The following NSD1 variants were observed in gnomAD, a reference collection of about 807,000 sequenced individuals.
NSD1 encodes the protein nuclear receptor binding SET domain protein 1.
Under a neutral mutation model 242.7 loss-of-function variants are expected in NSD1, and 26 were observed. The observed-to-expected ratio is 0.11, with a 90% CI of 0.08 to 0.15. The LOEUF (loss-of-function observed/expected upper bound fraction) is 0.15, where lower values mean the gene tolerates loss of function less well. Ranked by LOEUF, NSD1 falls within the 10% of genes least tolerant of loss-of-function variation. The pLI, the probability that NSD1 is intolerant of heterozygous loss-of-function variation, is 1.00. For missense variants in NSD1, 2,495 were observed against 3,272.8 expected, an observed-to-expected ratio of 0.76 and a Z score of 5.80; for synonymous variants, 1,106 against 1,178.1, an observed-to-expected ratio of 0.94 and a Z score of 1.25.
At chr5:177,218,641 C>T (rs543393520) in intron 5 of NSD1, among the ~76,000 whole-genome samples, 2 of 151,286 alleles carry the variant, frequency 1.3e-5, no homozygotes, top group South Asian at 2.1e-4. Flanking sequence ...AATCTCGGGT[C>T]ACTGCAAGCT....
intron 4 of NSD1, among the ~76,000 whole-genome samples, chr5:177,206,569 C>A (rs1325889280): frequency 6.6e-6 from 1 of 151,996 alleles, no homozygotes; most frequent in Non-Finnish European, 1.5e-5. Context: ...TAACTTACAC[C>A]CTATAGAACT....
intron 2 of NSD1, among the ~76,000 whole-genome samples, chr5:177,164,212 A>G (rs1387094572): frequency 1.3e-5 from 2 of 149,678 alleles, no homozygotes; most frequent in African/African-American, 2.5e-5. Flanking sequence ...CTGGAGTGCA[A>G]TGGCATGGTT....
intron 14 of NSD1, among the ~76,000 whole-genome samples, chr5:177,267,089 C>T (rs542907156): frequency 8.5e-5 from 13 of 152,172 alleles, no homozygotes; most frequent in Non-Finnish European, 1.8e-4. Context: ...AACTCCTGAC[C>T]TCAGGTGATC....
Position 177,296,287 on chromosome 5 carries a change from G to T in NSD1, c.*828G>T, listed in dbSNP as rs1760252236. The T allele has an allele frequency of 8.6e-6, 2 of 233,436 alleles. No individual in the cohort carries two copies. The highest frequency in any genetic ancestry group is 1.7e-5 in the Non-Finnish European group (2 of 118,224). 14.5% of individuals were successfully genotyped at this position (233,436 alleles called of 1,614,324 possible). ...GGAGCAGGTGGTCAGGGGCAGTCGG[G>T]CTCTGTGCGAATGTAGATTTCCAGC... On this transcript the variant is annotated 3_prime_UTR_variant, in exon 23 of 23. Coordinates refer to ENST00000439151, the MANE Select transcript of NSD1 (RefSeq NM_022455.5).
chr5:177,226,599 C>T (rs1480880688), intron 5 of NSD1, among the ~76,000 whole-genome samples: 2 of 152,092 alleles, frequency 1.3e-5, no homozygotes, highest in Non-Finnish European at 2.9e-5. Flanking sequence ...GGACCACAGC[C>T]GTGTACTACC....
In NSD1 at chr5:177,295,410, T is replaced by G; in HGVS notation, c.8042T>G (p.Leu2681Arg). The change falls in exon 23 of 23, where the codon CTT becomes CGT. Residue 2681 changes from leucine (L) to arginine (R), a missense_variant. Transcript: ENST00000439151. This position sits in a 1 kb window ranked among gnomAD's most constrained non-coding sequence, Gnocchi z 4.3. ...PKPEQNTLPALNQAPSSHKCA... is the reference protein window; with the variant it reads ...PKPEQNTLPARNQAPSSHKCA... Reference sequence around the variant, plus strand: ...CCAGAGCAAAATACACTTCCAGCTCTTAACCAGGCTCCTTCCAGTCACAAG... The same window carrying G: ...CCAGAGCAAAATACACTTCCAGCTCGTAACCAGGCTCCTTCCAGTCACAAG... 6.2e-7 allele frequency: 1 copy of G among 1,614,200 alleles called. No homozygotes were observed. Among genetic ancestry groups the G allele is most frequent in the Non-Finnish European group, 8.5e-7 (1 of 1,180,034 alleles).
At chr5:177,291,839 C>T in intron 21 of NSD1, 115 bp from the exon 22 acceptor site, 1 of 1,030,522 alleles carries the variant, frequency 9.7e-7, no homozygotes, top group Non-Finnish European at 1.5e-6. Context: ...ATTTTATCTT[C>T]ATGACAATCT....
At chr5:177,173,542 C>T (rs962538715) in intron 2 of NSD1, among the ~76,000 whole-genome samples, 5 of 134,454 alleles carry the variant, frequency 3.7e-5, no homozygotes, top group Non-Finnish European at 7.6e-5. Context: ...GGCACGATCT[C>T]GGCTCACCGC....
At chr5:177,261,742 C>T (rs1037183395) in intron 14 of NSD1, among the ~76,000 whole-genome samples, 7 of 152,112 alleles carry the variant, frequency 4.6e-5, no homozygotes, top group African/African-American at 1.7e-4. Flanking sequence ...GTGGACTTTG[C>T]TCCACTATTT....
intron 14 of NSD1, among the ~76,000 whole-genome samples, chr5:177,267,045 A>G (rs1757546645): frequency 6.6e-6 from 1 of 152,148 alleles, no homozygotes; most frequent in Non-Finnish European, 1.5e-5. Flanking sequence ...TTTAGTAGAT[A>G]GGGGGTTTCG....
At chr5:177,266,489 A>C (rs1757477586) in intron 14 of NSD1, 3 of 623,100 alleles carry the variant, frequency 4.8e-6, no homozygotes, top group Non-Finnish European at 8.9e-6. Flanking sequence ...TCAAAGTAGT[A>C]ATCTTTGGAC....
chr5:177,163,445 A>C (rs1758922256), intron 2 of NSD1, among the ~76,000 whole-genome samples: 1 of 152,152 alleles, frequency 6.6e-6, no homozygotes, highest in South Asian at 2.1e-4. Flanking sequence ...CCAGCCATGA[A>C]ATTTCTTACG....
intron 14 of NSD1, chr5:177,266,656 A>G: frequency 1.0e-5 from 4 of 383,980 alleles, no homozygotes. Flanking sequence ...GGATTTTAAG[A>G]GGTGAAAGAA....
Position 177,156,957 on chromosome 5 carries a change from C to T in NSD1, c.927+20927C>T, listed in dbSNP as rs187090023. Reference sequence around the variant, plus strand: ...CGGCATTCCAGCCTGGAGGACAGAGCGAGACTCTGTCTCTAAATAAATAAA... The same window carrying T: ...CGGCATTCCAGCCTGGAGGACAGAGTGAGACTCTGTCTCTAAATAAATAAA... On this transcript the variant is annotated intron_variant, in intron 2 of 22. Coordinates refer to ENST00000439151, the MANE Select transcript of NSD1 (RefSeq NM_022455.5). Among the ~76,000 whole-genome samples the T allele has an allele frequency of 4.8e-3, 725 of 151,832 alleles. 3 individuals are homozygous for T. Among genetic ancestry groups the T allele is most frequent in the South Asian group, 0.02 (97 of 4,808 alleles).
chr5:177,259,065 C>T (rs1443243830), intron 13 of NSD1, among the ~76,000 whole-genome samples: 4 of 152,132 alleles, frequency 2.6e-5, no homozygotes, highest in African/African-American at 9.7e-5. Context: ...GAACCCCTGA[C>T]CTCAGGTGAT....
chr5:177,188,732 T>TGAACGCCCAGCCTC (rs1400946282), intron 2 of NSD1, among the ~76,000 whole-genome samples: 1 of 152,104 alleles, frequency 6.6e-6, no homozygotes, highest in Non-Finnish European at 1.5e-5. Context: ...AGGCTGGCCT[T>TGAACGCCCAGCCTC]GAACGCCCAG....
chr5:177,289,314 CCTT>C (rs1236115401), intron 21 of NSD1, among the ~76,000 whole-genome samples: 2 of 151,816 alleles, frequency 1.3e-5, no homozygotes, highest in Admixed American at 6.6e-5. Context: ...CAGCAAGACT[CCTT>C]CTCAAAAAAA....
upstream of NSD1, among the ~76,000 whole-genome samples, chr5:177,132,353 G>GCCCGT (rs1755938044): frequency 6.6e-6 from 1 of 151,228 alleles, no homozygotes; most frequent in Non-Finnish European, 1.5e-5. The surrounding 1 kb of genome is among the most constrained non-coding windows in gnomAD (Gnocchi z 7.5). Flanking sequence ...GCGAGGCGCG[G>GCCCGT]CCCGTCCCGT....
chr5:177,204,152 G>A lies in NSD1; in HGVS notation c.1096G>A (p.Val366Met), dbSNP rs1172667661. 6.2e-7 allele frequency: 1 copy of A among 1,614,100 alleles called. No homozygotes were observed. The highest frequency in any genetic ancestry group is 8.5e-7 in the Non-Finnish European group (1 of 1,179,986). The stretch of plus-strand genomic sequence containing the variant: ...CCGGAGGCCCTATCGGCAGTACTAC[G>A]TGGAGGCTTTTGGAGATCCTTCTGA... ...SNRRPYRQYY[V>M]EAFGDPSERA... The change falls in exon 4 of 23, where the codon GTG becomes ATG. Residue 366 changes from valine to methionine, a missense_variant. Around this residue, in one of 19 missense-constraint regions of NSD1, gnomAD observed 65 missense variants for 136.2 expected, o/e 0.48. Transcript: ENST00000439151.
Sources: gnomAD v4.1 joint callset for allele counts (sites outside exome capture counted in the v4.1 genomes callset) on GRCh38, gnomAD v4.1.1 for gene constraint, gnomAD v4.1.1 regional missense constraint, Gnocchi (gnomAD v3.1) non-coding constraint, MANE v1.5 for transcripts, NCBI Gene and HGNC (gene_info 2026-07-23, HGNC 2026-07-21) for gene names.